The following DNAH9 variants were observed in gnomAD, a reference collection of about 807,000 sequenced individuals.
The protein encoded by DNAH9 is dynein axonemal heavy chain 9.
In DNAH9, 345 loss-of-function variants were observed where a neutral mutation model predicts 471.6. The observed-to-expected ratio is 0.73, with a 90% CI of 0.67 to 0.80. The LOEUF (loss-of-function observed/expected upper bound fraction) is 0.80, where lower values mean the gene tolerates loss of function less well. Ranked by LOEUF, DNAH9 falls within the 30% of genes least tolerant of loss-of-function variation. DNAH9 has a pLI of 0.00. For missense variants in DNAH9, 5,407 were observed against 5,609.2 expected (o/e 0.96, Z 1.15); for synonymous variants, 2,093 against 2,123.6 (o/e 0.99, Z 0.40).
intron 20 of DNAH9, 97 bp from the exon 21 acceptor site, chr17:11,693,771 C>T: frequency 7.6e-7 from 1 of 1,319,808 alleles, no homozygotes; most frequent in Non-Finnish European, 1.1e-6. Flanking sequence ...TATTTGACAA[C>T]CCAGGAACAA....
At chr17:11,963,119 T>G (rs2151454085) in intron 68 of DNAH9, among the ~76,000 whole-genome samples, 1 of 144,370 alleles carries the variant, frequency 6.9e-6, no homozygotes. Context: ...GAACCCTAAA[T>G]CCAATGACCA....
At chr17:11,868,358 C>A (rs1373740257) in intron 50 of DNAH9, among the ~76,000 whole-genome samples, 1 of 152,070 alleles carries the variant, frequency 6.6e-6, no homozygotes, top group Non-Finnish European at 1.5e-5. Flanking sequence ...TTGCACAGAC[C>A]TGAGATGTAT....
intron 68 of DNAH9, among the ~76,000 whole-genome samples, chr17:11,967,166 G>T (rs959636388): frequency 6.6e-6 from 1 of 151,914 alleles, no homozygotes; most frequent in African/African-American, 2.4e-5. Context: ...GAGTGCAGTG[G>T]CATGAACAGG....
intron 50 of DNAH9, among the ~76,000 whole-genome samples, chr17:11,865,454 T>C (rs1377275971): frequency 6.6e-6 from 1 of 152,138 alleles, no homozygotes; most frequent in African/African-American, 2.4e-5. Context: ...CCCTTAACAT[T>C]TTTTCCTTCA....
intron 41 of DNAH9, among the ~76,000 whole-genome samples, chr17:11,784,756 C>T (rs1043346881): frequency 3.3e-5 from 5 of 152,084 alleles, no homozygotes; most frequent in African/African-American, 7.2e-5. Context: ...AATTATTTCT[C>T]GGTAAGCAGC....
chr17:11,689,718 T>C lies in DNAH9; in HGVS notation c.3896T>C (p.Val1299Ala). ...CAGCTGAGGCAGTGCAGGAAGGAGG[T>C]CTGCCAGCTGAAGGAGCTCTGGGAC... ...YKQLRQCRKE[V>A]CQLKELWDTI... Residue 1299 changes from valine (V) to alanine (A), a missense_variant, in exon 20 of 69, where the codon GTC becomes GCC. Val to Ala is a moderately conservative substitution (Grantham distance 64, BLOSUM62 0). This residue lies in a region of DNAH9 where 4,636 missense variants were observed against 4,900.3 expected (regional missense o/e 0.95). Coordinates refer to ENST00000262442, the MANE Select transcript of DNAH9 (RefSeq NM_001372.4). 6.2e-7 allele frequency: 1 copy of C among 1,613,860 alleles called. No homozygotes were observed.
chr17:11,913,120 G>A (rs1272125873), intron 61 of DNAH9, among the ~76,000 whole-genome samples: 3 of 152,016 alleles, frequency 2.0e-5, no homozygotes, highest in African/African-American at 7.2e-5. Flanking sequence ...GTGAGCCAAG[G>A]TTACACCACT....
At chr17:11,634,783 T>C (rs2073130066) in intron 8 of DNAH9, among the ~76,000 whole-genome samples, 1 of 152,276 alleles carries the variant, frequency 6.6e-6, no homozygotes, top group African/African-American at 2.4e-5. Flanking sequence ...GACCCCATAT[T>C]TGGCTTTTCT....
chr17:11,923,014 G>A (rs1020739668), intron 61 of DNAH9, among the ~76,000 whole-genome samples: 1 of 152,060 alleles, frequency 6.6e-6, no homozygotes, highest in African/African-American at 2.4e-5. Flanking sequence ...TAAGTGAAGA[G>A]GGAAGAGTGA....
chr17:11,887,727 TACACACAGTCACAC>T (rs1414701978), intron 57 of DNAH9, among the ~76,000 whole-genome samples: 1 of 133,908 alleles, frequency 7.5e-6, no homozygotes, highest in Admixed American at 8.2e-5. Flanking sequence ...AGATTTCACA[TACACACAGTCACAC>T]ACACACACAC....
intron 59 of DNAH9, among the ~76,000 whole-genome samples, chr17:11,896,756 A>C (rs539644675): frequency 4.6e-5 from 7 of 152,224 alleles, no homozygotes; most frequent in Non-Finnish European, 1.0e-4. Context: ...CACTTAAGTA[A>C]TTTTAAATTT....
intron 7 of DNAH9, among the ~76,000 whole-genome samples, chr17:11,631,160 G>A (rs2073057874): frequency 6.6e-6 from 1 of 151,938 alleles, no homozygotes; most frequent in African/African-American, 2.4e-5. Flanking sequence ...CTCACCTGTA[G>A]CCCCAGGAAA....
intron 59 of DNAH9, among the ~76,000 whole-genome samples, chr17:11,895,449 A>G (rs1157062815): frequency 1.3e-5 from 2 of 152,224 alleles, no homozygotes; most frequent in African/African-American, 4.8e-5. Flanking sequence ...GTAAAGTAAT[A>G]TGATTGGCTT....
chr17:11,869,673 C>A (rs1972191126), intron 51 of DNAH9, among the ~76,000 whole-genome samples: 1 of 152,100 alleles, frequency 6.6e-6, no homozygotes, highest in Admixed American at 6.5e-5. Context: ...ACCTACTGAC[C>A]CTGAGTATTT....
chr17:11,629,999 T>C (rs929554412), intron 7 of DNAH9, among the ~76,000 whole-genome samples: 12 of 152,188 alleles, frequency 7.9e-5, no homozygotes, highest in Non-Finnish European at 1.6e-4. Context: ...GTCAAAGTCA[T>C]AGAAGCAGAG....
At chr17:11,816,152 G>A (rs780134120) in intron 45 of DNAH9, among the ~76,000 whole-genome samples, 5 of 152,104 alleles carry the variant, frequency 3.3e-5, no homozygotes, top group African/African-American at 7.2e-5. Context: ...ATAGCTGCAC[G>A]TACCACCACT....
chr17:11,922,260 C>G (rs1000683623), intron 61 of DNAH9, among the ~76,000 whole-genome samples: 1 of 152,180 alleles, frequency 6.6e-6, no homozygotes, highest in Non-Finnish European at 1.5e-5. Flanking sequence ...GCAGAAGTAT[C>G]AAACTACATC....
At chr17:11,911,416 C>G (rs1195526522) in intron 61 of DNAH9, among the ~76,000 whole-genome samples, 2 of 152,190 alleles carry the variant, frequency 1.3e-5, no homozygotes, top group Non-Finnish European at 2.9e-5. Context: ...AAATAACAGT[C>G]TCAATGACTG....
chr17:11,961,942 GC>G lies in DNAH9; in HGVS notation c.12920del (p.Ala4307ValfsTer25), dbSNP rs1424055467. ...LYFDMVPESW[A>X]RRAYPSTAGL... is the part of the protein sequence containing the mutation. Reference sequence around the variant, plus strand: ...CTTCGATATGGTGCCAGAGTCCTGGGCTAGACGAGCCTACCCTTCCACAGCA... The same window carrying G: ...CTTCGATATGGTGCCAGAGTCCTGGGTAGACGAGCCTACCCTTCCACAGCA... On this transcript the variant is annotated frameshift_variant, in exon 68 of 69. Coordinates refer to ENST00000262442, the MANE Select transcript of DNAH9 (RefSeq NM_001372.4). LOFTEE classifies it high-confidence loss of function. 6.2e-7 allele frequency: 1 copy of G among 1,614,004 alleles called. No homozygotes were observed. The highest frequency in any genetic ancestry group is 8.5e-7 in the Non-Finnish European group (1 of 1,180,042).
Sources: allele counts gnomAD v4.1 joint callset (sites outside exome capture counted in the v4.1 genomes callset), GRCh38; gene constraint gnomAD v4.1.1; regional missense constraint gnomAD v4.1.1; transcripts MANE v1.5; gene names NCBI Gene and HGNC (gene_info 2026-07-23, HGNC 2026-07-21).